ST18: variants seen among roughly 807,000 people sequenced by gnomAD.
ST18 encodes ST18 C2H2C-type zinc finger transcription factor.
ST18 carries 50 observed loss-of-function variants against 110.0 expected under a neutral mutation model. The observed-to-expected ratio is 0.45, with a 90% CI of 0.36 to 0.58. The LOEUF (loss-of-function observed/expected upper bound fraction) is 0.58. Ranked by LOEUF, ST18 falls within the 20% of genes least tolerant of loss-of-function variation. ST18 has a pLI of 0.00. For synonymous variants in ST18, 461 were observed against 452.4 expected (o/e 1.02, Z -0.24); for missense variants, 1,306 against 1,280.1 (o/e 1.02, Z -0.31).
chr8:52,406,262 T>G (rs1213596806), intron 2 of ST18: 1 of 152,272 alleles, frequency 6.6e-6, no homozygotes, highest in South Asian at 2.1e-4. Context: ...CTCCCTCCTC[T>G]GTTCTTCAGG....
chr8:52,321,815 T>C (rs1220441662), intron 2 of ST18, among the ~76,000 whole-genome samples: 1 of 152,250 alleles, frequency 6.6e-6, no homozygotes, highest in East Asian at 1.9e-4. Flanking sequence ...ACAGTGAAAG[T>C]AGGTCCTCAT....
intron 9 of ST18, among the ~76,000 whole-genome samples, chr8:52,177,650 G>GT (rs2067443114): frequency 6.6e-6 from 1 of 152,196 alleles, no homozygotes; most frequent in African/African-American, 2.4e-5. Context: ...GACATTGTAG[G>GT]AACTTTGACC....
Position 52,282,525 on chromosome 8 carries a change from A to C in ST18, c.-464-52448T>G, listed in dbSNP as rs549014426. On this transcript the variant is annotated intron_variant, in intron 2 of 25. Transcript: ENST00000689386. ...GAAACGCACTAAGGATAGCCCCACC[A>C]GGGGTGAGGAAGCTGGGCAGGTGCC... 2.0e-5 allele frequency among the ~76,000 whole-genome samples: 3 copies of C among 152,282 alleles called. No homozygotes were observed. The South Asian group carries it at 6.2e-4, about 32-fold the overall frequency.
At chr8:52,280,630 C>T (rs1405619351) in intron 2 of ST18, among the ~76,000 whole-genome samples, 3 of 151,930 alleles carry the variant, frequency 2.0e-5, no homozygotes, top group Non-Finnish European at 2.9e-5. Flanking sequence ...TTATTAATGA[C>T]CTTATTTAAG....
intron 2 of ST18, among the ~76,000 whole-genome samples, chr8:52,342,085 A>G (rs149649832): frequency 7.2e-5 from 11 of 152,360 alleles, no homozygotes; most frequent in Non-Finnish European, 1.3e-4. Context: ...CTAAGAGAGT[A>G]GCTTTTAAGT....
chr8:52,404,265 T>C (rs993026427), intron 2 of ST18: 5 of 152,152 alleles, frequency 3.3e-5, no homozygotes, highest in African/African-American at 1.2e-4. Context: ...TATAAGAGCA[T>C]TGTCAATAAA....
At chr8:52,326,574 A>G (rs1806519646) in intron 2 of ST18, among the ~76,000 whole-genome samples, 1 of 152,202 alleles carries the variant, frequency 6.6e-6, no homozygotes, top group Admixed American at 6.5e-5. Context: ...CCACAACAGA[A>G]GGCAAAGTCA....
intron 2 of ST18, among the ~76,000 whole-genome samples, chr8:52,261,555 G>A (rs1175796262): frequency 6.6e-6 from 1 of 152,116 alleles, no homozygotes; most frequent in East Asian, 1.9e-4. Context: ...TTACGATTCT[G>A]GTTCTATTGA....
At chr8:52,133,501 T>C (rs930460427) in intron 19 of ST18, among the ~76,000 whole-genome samples, 200 bp from the exon 20 acceptor site, 1 of 152,164 alleles carries the variant, frequency 6.6e-6, no homozygotes, top group African/African-American at 2.4e-5. Flanking sequence ...TTTGCTTAAA[T>C]ATAATTATCT....
At chr8:52,113,954 GTTTTTTTTTTTTTTTTTTTT>G (rs1158213340) in intron 25 of ST18, among the ~76,000 whole-genome samples, 178 of 45,442 alleles carry the variant, frequency 3.9e-3, no homozygotes, top group African/African-American at 0.014. Flanking sequence ...TTCATACCGT[GTTTTTTTTTTTTTTTTTTTT>G]TTTTTTTTTT....
chr8:52,372,426 T>A (rs906226426), intron 2 of ST18, among the ~76,000 whole-genome samples: 2 of 151,932 alleles, frequency 1.3e-5, no homozygotes, highest in Admixed American at 6.6e-5. Context: ...AGAGAAAAAA[T>A]TTTTATACAT....
intron 22 of ST18, among the ~76,000 whole-genome samples, chr8:52,128,860 A>C (rs572937213): frequency 6.6e-6 from 1 of 152,196 alleles, no homozygotes; most frequent in South Asian, 2.1e-4. Context: ...AGGGTTTTGC[A>C]AAGTTTTAAA....
intron 7 of ST18, among the ~76,000 whole-genome samples, chr8:52,212,850 G>A (rs1217500526): frequency 6.6e-6 from 1 of 152,112 alleles, no homozygotes; most frequent in Non-Finnish European, 1.5e-5. Flanking sequence ...AGTCCAAAAG[G>A]AATTGCAAAT....
chr8:52,130,133 AAG>A (rs775275486), intron 22 of ST18, among the ~76,000 whole-genome samples: 1 of 149,606 alleles, frequency 6.7e-6, no homozygotes, highest in Non-Finnish European at 1.5e-5. Context: ...GAAAGAAAGA[AAG>A]AAAGAAAGAA....
chr8:52,167,322 A>C (rs2063346880), intron 10 of ST18, among the ~76,000 whole-genome samples: 1 of 152,254 alleles, frequency 6.6e-6, no homozygotes, highest in Non-Finnish European at 1.5e-5. Flanking sequence ...GAAAAGAAAA[A>C]ATAGTGAGAC....
chr8:52,342,978 A>G (rs1203133162), intron 2 of ST18, among the ~76,000 whole-genome samples: 3 of 152,174 alleles, frequency 2.0e-5, no homozygotes, highest in Non-Finnish European at 4.4e-5. Context: ...AGACATATGG[A>G]TGAGGGAGGT....
chr8:52,171,413 T>C (rs903120139), intron 10 of ST18, among the ~76,000 whole-genome samples: 2 of 152,138 alleles, frequency 1.3e-5, no homozygotes, highest in South Asian at 2.1e-4. Flanking sequence ...AGTTAGATAA[T>C]CCAAGAATGA....
chr8:52,263,605 G>GT (rs1198571205), intron 2 of ST18, among the ~76,000 whole-genome samples: 30 of 124,928 alleles, frequency 2.4e-4, no homozygotes, highest in Admixed American at 5.4e-4. Context: ...TAGTTTTTTT[G>GT]TTTTGTTTTT....
At chr8:52,399,321 G>T (rs374725313) in intron 2 of ST18, among the ~76,000 whole-genome samples, 2 of 151,212 alleles carry the variant, frequency 1.3e-5, no homozygotes, top group Admixed American at 6.6e-5. Flanking sequence ...TTTGAGTCTT[G>T]TCTCTTTTAT....
Sources: allele counts gnomAD v4.1 joint callset (sites outside exome capture counted in the v4.1 genomes callset), GRCh38; gene constraint gnomAD v4.1.1; transcripts MANE v1.5; gene names NCBI Gene and HGNC (gene_info 2026-07-23, HGNC 2026-07-21).